Variants in PIK3CA observed in about 807,000 individuals in gnomAD.
The protein encoded by PIK3CA is phosphatidylinositol 4,5-bisphosphate 3-kinase catalytic subunit alpha isoform.
PIK3CA carries 27 observed loss-of-function variants against 138.2 expected under a neutral mutation model. The observed-to-expected ratio is 0.20, with a 90% CI of 0.14 to 0.27. PIK3CA has a LOEUF of 0.27. PIK3CA is among the 10% of genes least tolerant of loss of function. PIK3CA has a pLI of 1.00. For synonymous variants in PIK3CA, 358 were observed against 413.2 expected (o/e 0.87, Z 1.62); for missense variants, 544 against 1,277.4 (o/e 0.43, Z 8.75).
chr3:179,163,608 G>T (rs1723340540), intron 1 of PIK3CA, among the ~76,000 whole-genome samples: 1 of 152,092 alleles, frequency 6.6e-6, no homozygotes, highest in Non-Finnish European at 1.5e-5. Flanking sequence ...TTCAATAGAT[G>T]TTTGTCTTTA....
At chr3:179,201,091 A>G (rs1724398128) in intron 3 of PIK3CA, among the ~76,000 whole-genome samples, 199 bp from the exon 4 acceptor site, 1 of 152,178 alleles carries the variant, frequency 6.6e-6, no homozygotes, top group Admixed American at 6.5e-5. Context: ...GTCATAAAAC[A>G]TGAGATTTGG....
chr3:179,239,945 C>T lies in PIK3CA; in HGVS notation c.*5581C>T, dbSNP rs1725408064. Reference sequence around the variant, plus strand: ...AATAACAGTATCACTAAATTTAAGACCTCTTCCCAGTCTTGCTGTTCCTAG... The same window carrying T: ...AATAACAGTATCACTAAATTTAAGATCTCTTCCCAGTCTTGCTGTTCCTAG... On this transcript the variant is annotated 3_prime_UTR_variant, in exon 21 of 21. Coordinates refer to ENST00000263967, the MANE Select transcript of PIK3CA (RefSeq NM_006218.4). 9.0e-7 allele frequency: 1 copy of T among 1,115,910 alleles called. No homozygotes were observed. Among genetic ancestry groups the T allele is most frequent in the South Asian group, 1.4e-5 (1 of 70,386 alleles). 69.1% of individuals were successfully genotyped at this position (1,115,910 alleles called of 1,614,324 possible). A position where few individuals can be genotyped will look rare whatever the true frequency, so the allele number is the denominator to read the frequency against.
intron 17 of PIK3CA, 43 bp from the exon 18 acceptor site, chr3:179,229,229 A>T (rs1156557714): frequency 6.6e-7 from 1 of 1,507,386 alleles, no homozygotes; most frequent in South Asian, 1.2e-5. Flanking sequence ...TTGCTATTTT[A>T]AAATTCCATC....
At chr3:179,180,930 A>G (rs1177195128) in intron 1 of PIK3CA, among the ~76,000 whole-genome samples, 1 of 152,180 alleles carries the variant, frequency 6.6e-6, no homozygotes, top group Non-Finnish European at 1.5e-5. Context: ...ATACATATCC[A>G]TGTTTAGAAT....
In PIK3CA at chr3:179,195,007, C is replaced by T. The variant is rs1482911481; in HGVS notation, c.-76-3743C>T. ...CCTAGAGCCTGACATTAAGCAGGTA[C>T]TTCTCAAAAAAAAAAAAAAAAAACA... On this transcript the variant is annotated intron_variant, in intron 1 of 20. Coordinates refer to ENST00000263967, the MANE Select transcript of PIK3CA (RefSeq NM_006218.4). Among the ~76,000 whole-genome samples, 3 of 126,838 alleles carry T rather than the reference C, an allele frequency of 2.4e-5. No homozygotes were observed. In the Admixed American group the frequency reaches 2.5e-4, roughly 10 times the overall value. 83.2% of individuals were successfully genotyped at this position (126,838 alleles called of 152,430 possible).
intron 20 of PIK3CA, chr3:179,233,437 T>G (rs1259934625): frequency 5.0e-6 from 2 of 396,560 alleles, no homozygotes; most frequent in Non-Finnish European, 8.9e-6. Context: ...TTTGTATTTA[T>G]TTGTGTGATG....
intron 9 of PIK3CA, among the ~76,000 whole-genome samples, chr3:179,217,849 A>G (rs1459042799): frequency 6.6e-6 from 1 of 152,080 alleles, no homozygotes; most frequent in Non-Finnish European, 1.5e-5. Flanking sequence ...CTCTATATCA[A>G]AAACATTCAC....
chr3:179,159,999 G>T (rs1208689325), intron 1 of PIK3CA, among the ~76,000 whole-genome samples: 1 of 152,118 alleles, frequency 6.6e-6, no homozygotes, highest in Non-Finnish European at 1.5e-5. Flanking sequence ...TACCGTAAGT[G>T]AAGCTTGCAA....
chr3:179,168,514 C>T (rs112412586), intron 1 of PIK3CA, among the ~76,000 whole-genome samples: 3,022 of 152,232 alleles, frequency 0.02, 107 homozygotes, highest in African/African-American at 0.068. Flanking sequence ...ATGTAAGTCT[C>T]TCCAGCTCCC....
At chr3:179,190,307 A>ACCCCCCCCCCCCCCCC (rs61660360) in intron 1 of PIK3CA, among the ~76,000 whole-genome samples, 2 of 129,624 alleles carry the variant, frequency 1.5e-5, no homozygotes, top group Non-Finnish European at 3.5e-5. Context: ...TATATAGTGC[A>ACCCCCCCCCCCCCCCC]CCCCCCCCAC....
At chr3:179,167,502 A>T (rs1723449545) in intron 1 of PIK3CA, among the ~76,000 whole-genome samples, 1 of 151,998 alleles carries the variant, frequency 6.6e-6, no homozygotes, top group South Asian at 2.1e-4. Flanking sequence ...AGTCTTTCCC[A>T]CCCTTCTACA....
chr3:179,184,363 G>A (rs549864117), intron 1 of PIK3CA, among the ~76,000 whole-genome samples: 9 of 152,290 alleles, frequency 5.9e-5, no homozygotes, highest in African/African-American at 2.2e-4. Context: ...GTGCCTGGGA[G>A]TATGTAATCA....
At chr3:179,149,940 A>G (rs529987905) in intron 1 of PIK3CA, among the ~76,000 whole-genome samples, 47 of 152,334 alleles carry the variant, frequency 3.1e-4, no homozygotes, top group African/African-American at 1.1e-3. Context: ...GGATAAATCA[A>G]AACACTTTGC....
chr3:179,240,043 C>T lies in PIK3CA; in HGVS notation c.*5679C>T, dbSNP rs1310955474. The T allele has an allele frequency of 1.3e-6, 2 of 1,547,088 alleles. No individual in the cohort carries two copies. The highest frequency in any genetic ancestry group is 1.7e-6 in the Non-Finnish European group (2 of 1,144,546). On this transcript the variant is annotated 3_prime_UTR_variant, in exon 21 of 21. Coordinates refer to ENST00000263967, the MANE Select transcript of PIK3CA (RefSeq NM_006218.4). The stretch of plus-strand genomic sequence containing the variant: ...ACTGTCAATGTCTGCTTTTCTTTAA[C>T]TCTGCAGTCTGTAACATCACGCTGT...
In PIK3CA at chr3:179,231,889, C is replaced by T. The variant is rs140044066; in HGVS notation, c.2936+1513C>T. ...AATTCCTGACCTCAGGTGATCCACCCGCCTCAGCCTCCCTAAGTGCTGGGA... is the reference window on the plus strand; with the variant it reads ...AATTCCTGACCTCAGGTGATCCACCTGCCTCAGCCTCCCTAAGTGCTGGGA... On this transcript the variant is annotated intron_variant, in intron 20 of 20. Coordinates refer to ENST00000263967, the MANE Select transcript of PIK3CA (RefSeq NM_006218.4). Among the ~76,000 whole-genome samples the T allele has an allele frequency of 3.0e-3, 452 of 151,798 alleles. 3 individuals are homozygous for T. The highest frequency in any genetic ancestry group is 0.01 in the African/African-American group (421 of 41,402).
intron 1 of PIK3CA, among the ~76,000 whole-genome samples, chr3:179,161,539 A>G (rs1723281511): frequency 6.6e-6 from 1 of 152,216 alleles, no homozygotes; most frequent in South Asian, 2.1e-4. Context: ...TCTACCAAAA[A>G]TACAAAAAAT....
chr3:179,178,013 G>A (rs1362913389), intron 1 of PIK3CA, among the ~76,000 whole-genome samples: 1 of 149,674 alleles, frequency 6.7e-6, no homozygotes, highest in East Asian at 2.0e-4. Context: ...GCCAAGGTGG[G>A]AGGATCATTT....
At chr3:179,209,500 G>C (rs757003335) in intron 6 of PIK3CA, 95 bp from the exon 7 acceptor site, 2 of 651,108 alleles carry the variant, frequency 3.1e-6, no homozygotes, top group Non-Finnish European at 5.2e-6. Flanking sequence ...TTTTTCGTTT[G>C]GTTGATCTTT....
intron 1 of PIK3CA, among the ~76,000 whole-genome samples, chr3:179,164,326 T>C (rs144713987): frequency 4.9e-4 from 75 of 152,282 alleles, no homozygotes; most frequent in African/African-American, 1.7e-3. Context: ...AGGCCCATAA[T>C]AGACCTTTCA....
Sources: allele counts gnomAD v4.1 joint callset (sites outside exome capture counted in the v4.1 genomes callset), GRCh38; gene constraint gnomAD v4.1.1; transcripts MANE v1.5; gene names NCBI Gene and HGNC (gene_info 2026-07-23, HGNC 2026-07-21).